The following SORCS3 variants were observed in gnomAD, a reference collection of about 807,000 sequenced individuals.
The protein encoded by SORCS3 is sortilin related VPS10 domain containing receptor 3.
SORCS3 carries 57 observed loss-of-function variants against 146.3 expected under a neutral mutation model. The observed-to-expected ratio is 0.39, with a 90% CI of 0.31 to 0.49. The LOEUF (loss-of-function observed/expected upper bound fraction) is 0.49, where lower values mean the gene tolerates loss of function less well. Among genes scored for constraint, SORCS3 ranks in the 20% least tolerant of loss-of-function variants. The pLI is 0.92. For synonymous variants in SORCS3, 653 were observed against 618.5 expected (o/e 1.06, Z -0.83); for missense variants, 1,341 against 1,575.5 (o/e 0.85, Z 2.52).
At chr10:104,946,415 T>C (rs1308792442) in intron 3 of SORCS3, among the ~76,000 whole-genome samples, 2 of 152,122 alleles carry the variant, frequency 1.3e-5, no homozygotes, top group Non-Finnish European at 2.9e-5. Flanking sequence ...TCTCTTTCTC[T>C]CTGCATGCTG....
intron 5 of SORCS3, among the ~76,000 whole-genome samples, chr10:105,084,934 G>A (rs1477730555): frequency 1.3e-5 from 2 of 152,004 alleles, no homozygotes; most frequent in East Asian, 1.9e-4. Flanking sequence ...GTTTCACCAT[G>A]TTAGCCAGGA....
chr10:104,770,427 G>A (rs1411514541), intron 1 of SORCS3, among the ~76,000 whole-genome samples: 2 of 152,144 alleles, frequency 1.3e-5, no homozygotes, highest in Non-Finnish European at 2.9e-5. Flanking sequence ...CCAGTTTTGT[G>A]GGTTTTACTG....
chr10:105,013,332 A>G, intron 4 of SORCS3, among the ~76,000 whole-genome samples: 1 of 152,132 alleles, frequency 6.6e-6, no homozygotes, highest in Non-Finnish European at 1.5e-5. Flanking sequence ...ATCAGGACTA[A>G]GACATGGATA....
chr10:104,805,412 G>A (rs1301489474), intron 1 of SORCS3, among the ~76,000 whole-genome samples: 1 of 152,170 alleles, frequency 6.6e-6, no homozygotes. Flanking sequence ...GGAATAGTTA[G>A]GAAATCTCAA....
At chr10:104,775,661 A>G (rs572418972) in intron 1 of SORCS3, among the ~76,000 whole-genome samples, 1 of 152,266 alleles carries the variant, frequency 6.6e-6, no homozygotes, top group South Asian at 2.1e-4. Flanking sequence ...CACGGATTTG[A>G]GTTTGGGGAT....
At chr10:104,649,633 G>T (rs1387874201) in intron 1 of SORCS3, among the ~76,000 whole-genome samples, 1 of 152,160 alleles carries the variant, frequency 6.6e-6, no homozygotes, top group Non-Finnish European at 1.5e-5. Context: ...CCCAGTCAAT[G>T]AGTCTTTGCC....
chr10:104,977,730 CT>C (rs796233007), intron 4 of SORCS3, among the ~76,000 whole-genome samples: 7,136 of 122,830 alleles, frequency 0.058, 88 homozygotes, highest in African/African-American at 0.074. Flanking sequence ...CTTTTCTTTT[CT>C]TTTTTTTTTT....
intron 1 of SORCS3, among the ~76,000 whole-genome samples, chr10:104,826,253 G>A (rs929349946): frequency 6.6e-6 from 1 of 152,150 alleles, no homozygotes; most frequent in African/African-American, 2.4e-5. Flanking sequence ...GTAAATGTTA[G>A]CATGCTCACC....
intron 20 of SORCS3, among the ~76,000 whole-genome samples, chr10:105,244,786 C>T (rs968902341): frequency 6.6e-6 from 1 of 151,966 alleles, no homozygotes; most frequent in Non-Finnish European, 1.5e-5. Context: ...AGGCAATGTG[C>T]GGCCGGGCGC....
chr10:105,206,208 A>G (rs1469563388), intron 16 of SORCS3, among the ~76,000 whole-genome samples: 2 of 152,248 alleles, frequency 1.3e-5, no homozygotes, highest in South Asian at 2.1e-4. Context: ...TATAAAATAT[A>G]CAAAAGAGTT....
intron 16 of SORCS3, among the ~76,000 whole-genome samples, chr10:105,208,250 A>C (rs970144984): frequency 5.9e-5 from 9 of 151,888 alleles, no homozygotes; most frequent in African/African-American, 2.2e-4. Flanking sequence ...CTGAGGCAGG[A>C]GAATCACTTG....
At chr10:104,873,333 C>A (rs182423458) in intron 2 of SORCS3, among the ~76,000 whole-genome samples, 1 of 152,276 alleles carries the variant, frequency 6.6e-6, no homozygotes, top group Non-Finnish European at 1.5e-5. Context: ...CCATTCATTC[C>A]TAAATGGGCT....
chr10:104,755,880 TA>T (rs1446985805), intron 1 of SORCS3, among the ~76,000 whole-genome samples: 1 of 152,182 alleles, frequency 6.6e-6, no homozygotes, highest in African/African-American at 2.4e-5. Flanking sequence ...TGAAAGTCCT[TA>T]AGATCAAGGA....
At chr10:104,879,353 GC>G (rs1334143001) in intron 2 of SORCS3, among the ~76,000 whole-genome samples, 3 of 151,974 alleles carry the variant, frequency 2.0e-5, no homozygotes, top group African/African-American at 7.3e-5. Context: ...ATCTTCAAAG[GC>G]AACCATAACA....
At chr10:104,686,894 C>T (rs925318351) in intron 1 of SORCS3, among the ~76,000 whole-genome samples, 2 of 151,834 alleles carry the variant, frequency 1.3e-5, no homozygotes, top group Non-Finnish European at 2.9e-5. Context: ...CCCATGCATC[C>T]ATGCATCCGT....
intron 4 of SORCS3, among the ~76,000 whole-genome samples, 194 bp from the exon 5 acceptor site, chr10:105,042,861 G>T (rs1564741089): frequency 6.6e-6 from 1 of 152,106 alleles, no homozygotes; most frequent in East Asian, 1.9e-4. Context: ...TTGATTGGAT[G>T]TATATTGAGA....
chr10:104,724,302 C>A (rs914452076), intron 1 of SORCS3, among the ~76,000 whole-genome samples: 14 of 152,218 alleles, frequency 9.2e-5, no homozygotes, highest in African/African-American at 3.4e-4. Flanking sequence ...TGAATATTGG[C>A]CCCCACTCTC....
intron 7 of SORCS3, among the ~76,000 whole-genome samples, chr10:105,114,874 G>A (rs890591004): frequency 1.6e-4 from 24 of 152,162 alleles, no homozygotes; most frequent in Admixed American, 2.6e-4. Flanking sequence ...GATGATACCA[G>A]TACTACATTG....
chr10:104,642,006 ATGGGGGGGTGGG>A, intron 1 of SORCS3, 52 bp downstream of exon 1: 2 of 56,362 alleles, frequency 3.5e-5, no homozygotes, highest in Non-Finnish European at 7.2e-5. Flanking sequence ...CCGAAGGGGA[ATGGGGGGGTGGG>A]TGGGAGCGAG....
Sources: allele counts gnomAD v4.1 joint callset (sites outside exome capture counted in the v4.1 genomes callset), GRCh38; gene constraint gnomAD v4.1.1; transcripts MANE v1.5; gene names NCBI Gene and HGNC (gene_info 2026-07-23, HGNC 2026-07-21).